Variants in RAB7A observed in about 807,000 individuals in gnomAD.
RAB7A encodes RAB7A, member RAS oncogene family.
RAB7A carries 2 observed loss-of-function variants against 24.5 expected under a neutral mutation model. The observed-to-expected ratio is 0.08, with a 90% confidence interval of 0.03 to 0.26. RAB7A has a LOEUF of 0.26. Among genes scored for constraint, RAB7A ranks in the 10% least tolerant of loss-of-function variants. RAB7A has a pLI of 1.00. For missense variants in RAB7A, 118 were observed against 255.7 expected (o/e 0.46, Z 3.67); for synonymous variants, 100 against 95.9 (o/e 1.04, Z -0.25).
rs916922960 is a variant in RAB7A at position 128,765,058 on chromosome 3, G to C, written c.-8-30302G>C. 3.5e-6 allele frequency: 4 copies of C among 1,145,930 alleles called. No homozygotes were observed. The African/African-American group carries it at 6.1e-5, about 17-fold the overall frequency. 71.0% of individuals were successfully genotyped at this position (1,145,930 alleles called of 1,614,324 possible). A position where few individuals can be genotyped will look rare whatever the true frequency, so the allele number is the denominator to read the frequency against. On this transcript the variant is annotated intron_variant, in intron 1 of 5. Coordinates refer to ENST00000265062, the MANE Select transcript of RAB7A (RefSeq NM_004637.6). The stretch of plus-strand genomic sequence containing the variant: ...GAGGTGGCGGCGGTGGCTGCGCGGC[G>C]CTGGAGCGGCGGCGGGGGCCTTGGG...
rs1933981085 is a variant in RAB7A at position 128,813,780 on chromosome 3, G to A, written c.*358G>A. On this transcript the variant is annotated 3_prime_UTR_variant, in exon 6 of 6. Transcript: ENST00000265062. Reference sequence around the variant, plus strand: ...AAGCTTATTCTTTTTGTTCACTGGAGAGAGAGAGAACTGTTTACAGTTAAT... The same window carrying A: ...AAGCTTATTCTTTTTGTTCACTGGAAAGAGAGAGAACTGTTTACAGTTAAT... 2.8e-6 allele frequency: 1 copy of A among 354,712 alleles called. No homozygotes were observed. Among genetic ancestry groups the A allele is most frequent in the Admixed American group, 3.9e-5 (1 of 25,798 alleles). 22.0% of individuals were successfully genotyped at this position (354,712 alleles called of 1,614,324 possible). A position where few individuals can be genotyped will look rare whatever the true frequency, so the allele number is the denominator to read the frequency against.
chr3:128,733,744 C>T (rs927587207), intron 1 of RAB7A, among the ~76,000 whole-genome samples: 1 of 152,190 alleles, frequency 6.6e-6, no homozygotes, highest in African/African-American at 2.4e-5. Flanking sequence ...TCAGTTACTT[C>T]TTTAAAGGCC....
intron 1 of RAB7A, among the ~76,000 whole-genome samples, chr3:128,788,832 A>G (rs529615959): frequency 1.5e-4 from 23 of 152,186 alleles, no homozygotes; most frequent in Non-Finnish European, 2.6e-4. Flanking sequence ...GCCCTTGAAC[A>G]ATATTTTTCT....
rs2070818366 is a variant in RAB7A at position 128,765,191 on chromosome 3, C to G, written c.-8-30169C>G. Among the ~76,000 whole-genome samples, 10 of 152,232 alleles carry G rather than the reference C, an allele frequency of 6.6e-5. No individual in the cohort carries two copies. In the South Asian group the frequency reaches 2.1e-3, roughly 32 times the overall value. On this transcript the variant is annotated intron_variant, in intron 1 of 5. Coordinates refer to ENST00000265062, the MANE Select transcript of RAB7A (RefSeq NM_004637.6). ...TCCAAGCACTGTTGAAGCAGGAAAC[C>G]CCGACGACTCTCGGCGAAGAATGTC...
intron 3 of RAB7A, among the ~76,000 whole-genome samples, chr3:128,800,478 C>T (rs1168633802): frequency 6.6e-6 from 1 of 152,140 alleles, no homozygotes; most frequent in Non-Finnish European, 1.5e-5. Flanking sequence ...GACCTTGGGG[C>T]GCTGCACTCT....
At chr3:128,797,000 C>T (rs1404158828) in intron 2 of RAB7A, among the ~76,000 whole-genome samples, 1 of 152,134 alleles carries the variant, frequency 6.6e-6, no homozygotes, top group Non-Finnish European at 1.5e-5. Flanking sequence ...TTTGCCCAGC[C>T]CCAGACCAGT....
At chr3:128,751,939 C>T (rs1164164245) in intron 1 of RAB7A, among the ~76,000 whole-genome samples, 1 of 152,214 alleles carries the variant, frequency 6.6e-6, no homozygotes, top group Non-Finnish European at 1.5e-5. Flanking sequence ...GGGAGCTTCC[C>T]TGCACAAGCA....
rs189669897 is a variant in RAB7A, at chr3:128,786,382, C to G, written c.-8-8978C>G. ...CAGTGCAGTAGTATTATGTGACTTT[C>G]GATGCCTTTCTGGTCTCTCCTCATG... On this transcript the variant is annotated intron_variant, in intron 1 of 5. Transcript: ENST00000265062. Among the ~76,000 whole-genome samples the G allele has an allele frequency of 1.5e-4, 23 of 152,090 alleles. No individual in the cohort carries two copies. In the East Asian group the frequency reaches 3.1e-3, roughly 20 times the overall value.
intron 3 of RAB7A, among the ~76,000 whole-genome samples, chr3:128,800,965 C>T (rs1465627614): frequency 6.6e-6 from 1 of 152,204 alleles, no homozygotes; most frequent in Non-Finnish European, 1.5e-5. Context: ...ACAAAGGCGT[C>T]ATTATCCTGA....
intron 1 of RAB7A, among the ~76,000 whole-genome samples, chr3:128,755,914 C>T (rs1202461676): frequency 6.6e-6 from 1 of 152,114 alleles, no homozygotes; most frequent in Non-Finnish European, 1.5e-5. Context: ...GCTATCCCTC[C>T]CCCCTAAAGT....
chr3:128,802,885 A>C (rs1020410557), intron 3 of RAB7A, among the ~76,000 whole-genome samples: 1 of 151,432 alleles, frequency 6.6e-6, no homozygotes, highest in Non-Finnish European at 1.5e-5. Context: ...GCTCACTGCA[A>C]CCTCTGCCTC....
intron 1 of RAB7A, 40 bp from the exon 2 acceptor site, chr3:128,795,320 T>G: frequency 6.5e-7 from 1 of 1,549,608 alleles, no homozygotes; most frequent in Non-Finnish European, 8.9e-7. Flanking sequence ...TTTTGGTGTT[T>G]CCATCACACT....
At chr3:128,743,402 A>T (rs2070576019) in intron 1 of RAB7A, among the ~76,000 whole-genome samples, 1 of 152,250 alleles carries the variant, frequency 6.6e-6, no homozygotes, top group Admixed American at 6.5e-5. Context: ...GGGGTCCTCA[A>T]GCATGGCCAG....
chr3:128,758,033 G>A (rs977296127), intron 1 of RAB7A, among the ~76,000 whole-genome samples: 1 of 152,054 alleles, frequency 6.6e-6, no homozygotes, highest in South Asian at 2.1e-4. Context: ...TGCGATTGTA[G>A]CTCACTCTAA....
intron 3 of RAB7A, among the ~76,000 whole-genome samples, chr3:128,804,116 C>CG (rs1260516461): frequency 7.8e-6 from 1 of 128,922 alleles, no homozygotes; most frequent in Non-Finnish European, 1.6e-5. Context: ...CTCCCTGGGC[C>CG]CCCCCCCGCC....
intron 3 of RAB7A, among the ~76,000 whole-genome samples, chr3:128,803,768 T>G (rs1265406475): frequency 1.3e-5 from 2 of 152,182 alleles, no homozygotes; most frequent in Non-Finnish European, 2.9e-5. Flanking sequence ...TGATAATGTT[T>G]ATGTAAGGCA....
chr3:128,764,785 C>T (rs2070812318), intron 1 of RAB7A: 4 of 853,376 alleles, frequency 4.7e-6, no homozygotes, highest in Non-Finnish European at 8.0e-6. Flanking sequence ...GATTTGGCCA[C>T]CACGATAGTT....
chr3:128,731,627 TCAGTTCAGTGCTC>T (rs1234498924), intron 1 of RAB7A, among the ~76,000 whole-genome samples: 4 of 152,194 alleles, frequency 2.6e-5, no homozygotes, highest in African/African-American at 9.6e-5. Context: ...GTCTGCTAAC[TCAGTTCAGTGCTC>T]TTTCTGATGT....
intron 1 of RAB7A, among the ~76,000 whole-genome samples, chr3:128,732,873 A>T (rs1355518535): frequency 0.012 from 1,801 of 152,296 alleles, 31 homozygotes; most frequent in African/African-American, 0.039. Flanking sequence ...TGAGAATTTA[A>T]CTGTGGAGGA....
Sources: allele counts gnomAD v4.1 joint callset (sites outside exome capture counted in the v4.1 genomes callset), GRCh38; gene constraint gnomAD v4.1.1; transcripts MANE v1.5; gene names NCBI Gene and HGNC (gene_info 2026-07-23, HGNC 2026-07-21).